The following ASAP2 variants were observed in gnomAD, a reference collection of about 807,000 sequenced individuals.
ASAP2 encodes the protein ArfGAP with SH3 domain, ankyrin repeat and PH domain 2, also known as arf-GAP with SH3 domain, ANK repeat and PH domain-containing protein 2.
Under a neutral mutation model 131.4 loss-of-function variants are expected in ASAP2, and 45 were observed. That is an observed-to-expected ratio of 0.34 (90% CI 0.27 to 0.44). The LOEUF (loss-of-function observed/expected upper bound fraction) is 0.44. Among genes scored for constraint, ASAP2 ranks in the 20% least tolerant of loss-of-function variants. The pLI is 1.00. For synonymous variants in ASAP2, 510 were observed against 503.0 expected, an observed-to-expected ratio of 1.01 and a Z score of -0.19; for missense variants, 1,011 against 1,297.0, an observed-to-expected ratio of 0.78 and a Z score of 3.39.
chr2:9,221,228 C>T (rs1428822589), intron 1 of ASAP2, among the ~76,000 whole-genome samples: 8 of 151,960 alleles, frequency 5.3e-5, no homozygotes, highest in Admixed American at 1.3e-4. Flanking sequence ...TATGTTGACA[C>T]TGTAGTTCAA....
At chr2:9,366,645 GGC>G (rs1558371882) in intron 15 of ASAP2, among the ~76,000 whole-genome samples, 1 of 152,174 alleles carries the variant, frequency 6.6e-6, no homozygotes, top group East Asian at 1.9e-4. Flanking sequence ...GCAGCCTCTA[GGC>G]TTTTGCCTCC....
intron 5 of ASAP2, among the ~76,000 whole-genome samples, chr2:9,320,711 GTGA>G (rs1670098589): frequency 6.6e-6 from 1 of 152,152 alleles, no homozygotes. Flanking sequence ...CATCTTCCTG[GTGA>G]TTTGTGAAAG....
chr2:9,384,983 C>T (rs1236126152), intron 20 of ASAP2, among the ~76,000 whole-genome samples: 1 of 152,202 alleles, frequency 6.6e-6, no homozygotes. Flanking sequence ...AAGACTGTAA[C>T]AAGGGATTTG....
At chr2:9,382,476 C>T (rs1674940448) in intron 20 of ASAP2, among the ~76,000 whole-genome samples, 1 of 152,210 alleles carries the variant, frequency 6.6e-6, no homozygotes, top group East Asian at 1.9e-4. Flanking sequence ...TTCTCTTCTG[C>T]ACATGTAGAA....
chr2:9,403,879 C>T lies in ASAP2; in HGVS notation c.*552C>T, dbSNP rs1287030805. ...TACACATTAGCATTGTACTTTCTAG[C>T]CCTAATTTGTGAGGTTGCAGCTATC... On this transcript the variant is annotated 3_prime_UTR_variant, in exon 28 of 28. Coordinates refer to ENST00000281419, the MANE Select transcript of ASAP2 (RefSeq NM_003887.3). The T allele has an allele frequency of 6.5e-6, 1 of 153,686 alleles. No individual in the cohort carries two copies. Among genetic ancestry groups the T allele is most frequent in the African/African-American group, 2.4e-5 (1 of 41,438 alleles). 9.5% of individuals were successfully genotyped at this position (153,686 alleles called of 1,614,324 possible).
At chr2:9,286,447 A>AAAAAAAAATATATATATAT (rs58605449) in intron 2 of ASAP2, among the ~76,000 whole-genome samples, 1 of 148,420 alleles carries the variant, frequency 6.7e-6, no homozygotes, top group African/African-American at 2.5e-5. Context: ...GAAAAAAAAA[A>AAAAAAAAATATATATATAT]ATATATATAT....
chr2:9,291,583 T>C lies in ASAP2; in HGVS notation c.200-5717T>C, dbSNP rs78039204. ...TGAGTAGTAATCGTCATGTCATCCG[T>C]CTAGGGAGAGTCTCCACCAGGCTGC... On this transcript the variant is annotated intron_variant, in intron 2 of 27. Coordinates refer to ENST00000281419, the MANE Select transcript of ASAP2 (RefSeq NM_003887.3). Among the ~76,000 whole-genome samples, 413 of 152,282 alleles carry C rather than the reference T, an allele frequency of 2.7e-3. 1 individual carries two copies. Among genetic ancestry groups the C allele is most frequent in the African/African-American group, 9.5e-3 (393 of 41,566 alleles).
chr2:9,343,287 C>T (rs1371377119), intron 9 of ASAP2, among the ~76,000 whole-genome samples: 1 of 152,198 alleles, frequency 6.6e-6, no homozygotes, highest in Admixed American at 6.5e-5. Context: ...CATTAAACAC[C>T]TACGAGCAGC....
chr2:9,216,128 A>G (rs1304568420), intron 1 of ASAP2, among the ~76,000 whole-genome samples: 3 of 152,166 alleles, frequency 2.0e-5, no homozygotes, highest in African/African-American at 4.8e-5. Context: ...ATTGTGAAGC[A>G]CCAGAAGATT....
intron 1 of ASAP2, among the ~76,000 whole-genome samples, chr2:9,222,464 G>A (rs1030227549): frequency 1.3e-5 from 2 of 152,214 alleles, no homozygotes; most frequent in African/African-American, 4.8e-5. Context: ...TGTTTCTGCT[G>A]GTGAGTGTGG....
In ASAP2 at chr2:9,385,302, C is replaced by T; in HGVS notation, c.2074C>T (p.Arg692Ter). 6.2e-7 allele frequency: 1 copy of T among 1,614,170 alleles called. No homozygotes were observed. Among genetic ancestry groups the T allele is most frequent in the South Asian group, 1.1e-5 (1 of 91,080 alleles). Residue 692 changes from arginine (R) to a stop codon, truncating the protein, a stop_gained, in exon 21 of 28, where the codon CGA (arginine) becomes TGA (stop). Coordinates refer to ENST00000281419, the MANE Select transcript of ASAP2 (RefSeq NM_003887.3). LOFTEE classifies it high-confidence loss of function. ...NSHVHVEYEW[R>*]LLHEDLDESD... ...TCACGTTCACGTTGAATATGAATGG[C>T]GACTACTCCACGAAGACCTGGATGA...
At chr2:9,318,289 A>G (rs979206799) in intron 3 of ASAP2, among the ~76,000 whole-genome samples, 13 of 152,212 alleles carry the variant, frequency 8.5e-5, no homozygotes, top group African/African-American at 2.7e-4. Context: ...GCATAACAAT[A>G]TAAGATTGTT....
chr2:9,218,014 T>C (rs1662171653), intron 1 of ASAP2, among the ~76,000 whole-genome samples: 1 of 152,110 alleles, frequency 6.6e-6, no homozygotes, highest in African/African-American at 2.4e-5. Context: ...TTTAAATTGA[T>C]GATTTGATCC....
intron 9 of ASAP2, among the ~76,000 whole-genome samples, chr2:9,343,739 G>A (rs535940349): frequency 1.2e-4 from 19 of 152,304 alleles, no homozygotes; most frequent in East Asian, 1.9e-4. Context: ...AAGCCACTGC[G>A]CCCAGCCTGA....
At chr2:9,395,477 A>G (rs1441126858) in intron 24 of ASAP2, among the ~76,000 whole-genome samples, 1 of 152,042 alleles carries the variant, frequency 6.6e-6, no homozygotes, top group East Asian at 1.9e-4. Flanking sequence ...CTCCATCTCA[A>G]AAATAAAAAA....
intron 1 of ASAP2, among the ~76,000 whole-genome samples, chr2:9,225,285 C>CAG (rs1662679554): frequency 6.6e-6 from 1 of 151,866 alleles, no homozygotes; most frequent in African/African-American, 2.4e-5. Context: ...CACAGATCTA[C>CAG]TCTGTCCCAG....
At chr2:9,241,369 T>C (rs1309371422) in intron 1 of ASAP2, among the ~76,000 whole-genome samples, 1 of 152,222 alleles carries the variant, frequency 6.6e-6, no homozygotes, top group East Asian at 1.9e-4. Context: ...ATTGTCCTAT[T>C]ACCACTTTGC....
At chr2:9,351,203 G>A (rs1442507215) in intron 12 of ASAP2, among the ~76,000 whole-genome samples, 2 of 152,188 alleles carry the variant, frequency 1.3e-5, no homozygotes, top group African/African-American at 2.4e-5. Flanking sequence ...AAGCCCACAA[G>A]CCTAAAACTC....
At chr2:9,388,210 A>G (rs1163542866) in intron 21 of ASAP2, 84 bp from the exon 22 acceptor site, 3 of 1,549,390 alleles carry the variant, frequency 1.9e-6, no homozygotes, top group Non-Finnish European at 2.6e-6. Flanking sequence ...GGTGTCAGTG[A>G]GGTTTTCACC....
Sources: gnomAD v4.1 joint callset for allele counts (sites outside exome capture counted in the v4.1 genomes callset) on GRCh38, gnomAD v4.1.1 for gene constraint, MANE v1.5 for transcripts, NCBI Gene and HGNC (gene_info 2026-07-23, HGNC 2026-07-21) for gene names.